STRN3: variants seen among roughly 807,000 people sequenced by gnomAD.
STRN3 encodes the protein striatin-3.
STRN3 carries 29 observed loss-of-function variants against 95.6 expected under a neutral mutation model. The ratio of observed to expected loss-of-function variants is 0.30; its 90% CI spans 0.23 to 0.41. The LOEUF is 0.41. Ranked by LOEUF, STRN3 falls within the 10% of genes least tolerant of loss-of-function variation. The pLI is 1.00. For synonymous variants in STRN3, 331 were observed against 357.6 expected (o/e 0.93, Z 0.84); for missense variants, 890 against 972.1 (o/e 0.92, Z 1.12).
At chr14:31,012,508 A>G (rs937773455) in intron 1 of STRN3, among the ~76,000 whole-genome samples, 1 of 152,254 alleles carries the variant, frequency 6.6e-6, no homozygotes, top group Non-Finnish European at 1.5e-5. Flanking sequence ...CAAACGTTTT[A>G]TGAAAATTTA....
At position 30,932,774 on chromosome 14, in the gene STRN3, G is replaced by C. The variant is rs186359200; in HGVS notation, c.988+2389C>G. 2.9e-3 allele frequency among the ~76,000 whole-genome samples: 446 copies of C among 152,214 alleles called. 10 individuals are homozygous for C. Among genetic ancestry groups the C allele is most frequent in the Admixed American group, 0.026 (405 of 15,288 alleles). On this transcript the variant is annotated intron_variant, in intron 7 of 17. Coordinates refer to ENST00000357479, the MANE Select transcript of STRN3 (RefSeq NM_001083893.2). Reference sequence around the variant, plus strand: ...GCCATTCCATATAAATTAAATTCCTGAGTTTTTTCTTTATCCTTATGATTA... The same window carrying C: ...GCCATTCCATATAAATTAAATTCCTCAGTTTTTTCTTTATCCTTATGATTA...
intron 5 of STRN3, among the ~76,000 whole-genome samples, chr14:30,943,814 A>T (rs570692746): frequency 4.6e-5 from 7 of 152,096 alleles, no homozygotes; most frequent in Non-Finnish European, 1.0e-4. Context: ...TCCAATCATG[A>T]GGTACTTAAA....
intron 1 of STRN3, among the ~76,000 whole-genome samples, chr14:30,982,305 T>G (rs1293450338): frequency 1.3e-5 from 2 of 151,998 alleles, no homozygotes; most frequent in Non-Finnish European, 2.9e-5. Context: ...ATAATAGAGA[T>G]ACTCAATTTT....
Position 30,929,956 on chromosome 14 carries a change from A to AAAAAAAAAAC in STRN3, c.989-646_989-645insGTTTTTTTTT, listed in dbSNP as rs1428029074. 2.9e-3 allele frequency among the ~76,000 whole-genome samples: 340 copies of AAAAAAAAAAC among 119,082 alleles called. 15 individuals are homozygous for AAAAAAAAAAC. The highest frequency in any genetic ancestry group is 9.1e-3 in the African/African-American group (313 of 34,284). The allele number at this position is 119,082 out of a possible 152,430, so 78.1% of individuals were successfully genotyped here. ...CATTGGTCTACAACTAAGATTAGCA[A>AAAAAAAAAAC]AAAAAAAAAAAAAAAAAAAAAAACT... On this transcript the variant is annotated intron_variant, in intron 7 of 17. Transcript: ENST00000357479.
intron 16 of STRN3, among the ~76,000 whole-genome samples, chr14:30,902,231 G>C (rs10872846): frequency 0.48 from 58,466 of 122,592 alleles, 12,306 homozygotes; most frequent in Middle Eastern, 0.52. Flanking sequence ...ACACCAGAAA[G>C]AGATCTACCT....
chr14:30,970,018 CA>C (rs1284793817), intron 1 of STRN3, among the ~76,000 whole-genome samples: 1 of 152,192 alleles, frequency 6.6e-6, no homozygotes. Context: ...ACCACAGTCC[CA>C]GGGGAAAACC....
intron 3 of STRN3, among the ~76,000 whole-genome samples, chr14:30,952,159 G>A (rs540327725): frequency 6.6e-6 from 1 of 151,652 alleles, no homozygotes; most frequent in African/African-American, 2.4e-5. Context: ...TATGATTTCA[G>A]ATTAATCTCT....
At position 30,956,201 on chromosome 14, in the gene STRN3, C is replaced by G. The variant is rs774038292; in HGVS notation, c.324G>C (p.Glu108Asp). 1.2e-6 allele frequency: 2 copies of G among 1,613,854 alleles called. No homozygotes were observed. Among genetic ancestry groups the G allele is most frequent in the Admixed American group, 1.7e-5 (1 of 60,004 alleles). ...AFLQGERKGQ[E>D]NLKKDLVRRI... ...TTCTTACTAAGTCCTTCTTCAGGTT[C>G]TCTTGACCTTTTCTTTCGCCTTGTA... The change falls in exon 2 of 18, where the codon GAG (glutamate) becomes GAC (aspartate). Residue 108 changes from glutamate (E) to aspartate (D), a missense_variant. Physicochemically the swap from Glu to Asp is conservative, Grantham distance 45. Around this residue, in one of 3 missense-constraint regions of STRN3, gnomAD observed 526 missense variants for 526.3 expected, o/e 1.00. Transcript: ENST00000357479.
chr14:31,025,614 A>C, intron 1 of STRN3: 2 of 483,562 alleles, frequency 4.1e-6, no homozygotes, highest in Non-Finnish European at 7.5e-6. Context: ...GAGGCCCGGG[A>C]AGGCCGCCTC....
rs925968117 is a variant in STRN3, at chr14:30,966,552, G to T, written c.283-10310C>A. Among the ~76,000 whole-genome samples the T allele has an allele frequency of 4.6e-5, 7 of 152,156 alleles. No homozygotes were observed. In the East Asian group the frequency reaches 1.2e-3, roughly 25 times the overall value. On this transcript the variant is annotated intron_variant, in intron 1 of 17. Coordinates refer to ENST00000357479, the MANE Select transcript of STRN3 (RefSeq NM_001083893.2). ...ACCCGAGCTCTCAGCAACGCAGAGT[G>T]GGGGACTGGCCAGCAACCTAGCTTA...
Position 30,947,254 on chromosome 14 carries a change from C to T in STRN3, c.552G>A (p.Gln184=). Reference sequence around the variant, plus strand: ...ATATTGTATCTGTATAACCTACTTCCTGAAGATACCTGTAAGAGAAAATAA... The same window carrying T: ...ATATTGTATCTGTATAACCTACTTCTTGAAGATACCTGTAAGAGAAAATAA... ...QGRQLLRQYL[Q]EVGYTDTILD... is the part of the protein sequence containing the mutation. The change falls in exon 5 of 18, where the codon CAG becomes CAA. Residue 184 remains glutamine (Q), a synonymous_variant. Transcript: ENST00000357479. 6.3e-7 allele frequency: 1 copy of T among 1,582,288 alleles called. No individual in the cohort carries two copies. Among genetic ancestry groups the T allele is most frequent in the Non-Finnish European group, 8.6e-7 (1 of 1,168,842 alleles).
chr14:31,019,072 A>G (rs1330539843), intron 1 of STRN3, among the ~76,000 whole-genome samples: 1 of 152,158 alleles, frequency 6.6e-6, no homozygotes, highest in Non-Finnish European at 1.5e-5. Flanking sequence ...CACTCCTGAG[A>G]TGCCAAGGTA....
At chr14:30,921,105 C>CACACA (rs1410378146) in intron 8 of STRN3, among the ~76,000 whole-genome samples, 2 of 151,318 alleles carry the variant, frequency 1.3e-5, no homozygotes, top group South Asian at 4.2e-4. Context: ...CACACACACA[C>CACACA]ACTTCCTTAT....
At chr14:30,943,810 C>T (rs1879208237) in intron 5 of STRN3, among the ~76,000 whole-genome samples, 1 of 152,032 alleles carries the variant, frequency 6.6e-6, no homozygotes, top group African/African-American at 2.4e-5. Flanking sequence ...TGAGTCCAAT[C>T]ATGAGGTACT....
In STRN3 at chr14:30,922,910, A is replaced by C. The variant is rs74040951; in HGVS notation, c.1100-3804T>G. The stretch of plus-strand genomic sequence containing the variant: ...TGATCCTAGGCAAAATACCTAAGTT[A>C]TTTTCTTGAAAGAAAAAAATCCCGA... On this transcript the variant is annotated intron_variant, in intron 8 of 17. Coordinates refer to ENST00000357479, the MANE Select transcript of STRN3 (RefSeq NM_001083893.2). Among the ~76,000 whole-genome samples, 365 of 152,286 alleles carry C rather than the reference A, an allele frequency of 2.4e-3. 1 individual carries two copies. The highest frequency in any genetic ancestry group is 8.0e-3 in the African/African-American group (332 of 41,562).
chr14:30,925,917 T>C (rs943754763), intron 8 of STRN3, among the ~76,000 whole-genome samples: 8 of 152,074 alleles, frequency 5.3e-5, no homozygotes, highest in South Asian at 2.1e-4. Flanking sequence ...ATGGACTAGA[T>C]AAAAATGCTA....
chr14:30,948,299 T>A (rs1399768163), intron 4 of STRN3, among the ~76,000 whole-genome samples: 1 of 152,178 alleles, frequency 6.6e-6, no homozygotes, highest in Admixed American at 6.5e-5. Context: ...GGCACATAGA[T>A]GATACAAATC....
intron 8 of STRN3, among the ~76,000 whole-genome samples, chr14:30,923,891 G>A (rs1400243084): frequency 6.6e-6 from 1 of 151,998 alleles, no homozygotes; most frequent in Non-Finnish European, 1.5e-5. Context: ...CGTTCATACT[G>A]TGATTTTTAA....
At chr14:30,950,274 G>C (rs999707427) in intron 4 of STRN3, among the ~76,000 whole-genome samples, 3 of 152,134 alleles carry the variant, frequency 2.0e-5, no homozygotes, top group Non-Finnish European at 2.9e-5. Context: ...AAGATCAAGA[G>C]TGAAGGTAAA....
Sources: allele counts gnomAD v4.1 joint callset (sites outside exome capture counted in the v4.1 genomes callset), GRCh38; gene constraint gnomAD v4.1.1; regional missense constraint gnomAD v4.1.1; transcripts MANE v1.5; gene names NCBI Gene and HGNC (gene_info 2026-07-23, HGNC 2026-07-21).